LCT: variants seen among roughly 807,000 people sequenced by gnomAD.
The protein encoded by LCT is lactase/phlorizin hydrolase.
LCT carries 90 observed loss-of-function variants against 173.0 expected under a neutral mutation model. The observed-to-expected ratio is 0.52, with a 90% CI of 0.44 to 0.62. LCT has a LOEUF of 0.62. LCT is among the 20% of genes least tolerant of loss of function. The pLI is 0.00. For missense variants in LCT, 1,864 were observed against 2,431.4 expected (o/e 0.77, Z 4.91); for synonymous variants, 853 against 957.6 (o/e 0.89, Z 2.02).
At chr2:135,835,976 G>GTGTAAATATATATATA (rs1553436126) in intron 1 of LCT, among the ~76,000 whole-genome samples, 1 of 80,480 alleles carries the variant, frequency 1.2e-5, no homozygotes, top group Admixed American at 1.6e-4. Flanking sequence ...ATACATGTGT[G>GTGTAAATATATATATA]TATATATATA....
chr2:135,797,411 C>T (rs901705054), intron 13 of LCT, among the ~76,000 whole-genome samples: 1 of 152,136 alleles, frequency 6.6e-6, no homozygotes, highest in Non-Finnish European at 1.5e-5. Flanking sequence ...CACACCACAC[C>T]TCTCACCCCA....
intron 7 of LCT, 51 bp from the exon 8 acceptor site, chr2:135,810,044 T>C: frequency 7.7e-7 from 1 of 1,302,346 alleles, no homozygotes; most frequent in South Asian, 1.3e-5. Context: ...TTTATTTAAT[T>C]GAGATGGGGT....
In LCT at chr2:135,808,640, T is replaced by C; in HGVS notation, c.3707A>G (p.Glu1236Gly). The C allele has an allele frequency of 6.2e-7, 1 of 1,614,212 alleles. No individual in the cohort carries two copies. The highest frequency in any genetic ancestry group is 8.5e-7 in the Non-Finnish European group (1 of 1,180,038). The part of the protein sequence containing the change: ...YEDDQEMAEE[E>G]DPSWPSTAMN... ...TGCCGTGGAAGGCCACGAAGGGTCC[T>C]CCTCCTCAGCCATCTCCTGGTCGTC... is the stretch of plus-strand genomic sequence containing the variant. The change falls in exon 8 of 17, where the codon GAG becomes GGG. Residue 1236 changes from glutamate to glycine, a missense_variant. By Grantham distance (98) the Glu-to-Gly change is moderately conservative. Transcript: ENST00000264162.
In LCT at chr2:135,809,801, G is replaced by A; in HGVS notation, c.2546C>T (p.Thr849Ile). 6.2e-7 allele frequency: 1 copy of A among 1,614,136 alleles called. No individual in the cohort carries two copies. The change falls in exon 8 of 17, where the codon ACC becomes ATC. Residue 849 changes from threonine to isoleucine, a missense_variant. Physicochemically the swap from Thr to Ile is moderately conservative, Grantham distance 89 (BLOSUM62 -1). This residue lies in a region of LCT where 755 missense variants were observed against 926.3 expected (regional missense o/e 0.82). Transcript: ENST00000264162. The surrounding 1 kb of genome is among the most constrained non-coding windows in gnomAD (Gnocchi z 5.5). ...TSIIEKNGFLTKGAKRLLPPN... is the reference protein window; with the variant it reads ...TSIIEKNGFLIKGAKRLLPPN... ...TGGTAGCAGTCTTTTTGCCCCCTTG[G>A]TGAGGAAACCGTTCTTTTCTATGAT...
chr2:135,802,345 C>A (rs528255958), intron 11 of LCT, among the ~76,000 whole-genome samples: 4 of 152,154 alleles, frequency 2.6e-5, no homozygotes, highest in African/African-American at 9.7e-5. Context: ...TAAGGGATCC[C>A]GCAATCTTAC....
At position 135,800,746 on chromosome 2, in the gene LCT, G is replaced by A; in HGVS notation, c.4727C>T (p.Ala1576Val). ...ATCGTTGTACAGATGCCAGGCCTCA[G>A]CATGAGCCTTTATTAGATTGTGGCC... ...IVGHNLIKAH[A>V]EAWHLYNDVY... The change falls in exon 12 of 17, where the codon GCT becomes GTT. Residue 1576 changes from alanine (A) to valine (V), a missense_variant. Around this residue, in one of 4 missense-constraint regions of LCT, gnomAD observed 514 missense variants for 750.1 expected, o/e 0.69. Transcript: ENST00000264162. 6.2e-7 allele frequency: 1 copy of A among 1,614,130 alleles called. No individual in the cohort carries two copies. The highest frequency in any genetic ancestry group is 8.5e-7 in the Non-Finnish European group (1 of 1,180,018).
chr2:135,829,264 A>G (rs1313575279), intron 3 of LCT, among the ~76,000 whole-genome samples: 1 of 152,080 alleles, frequency 6.6e-6, no homozygotes, highest in Non-Finnish European at 1.5e-5. Context: ...TCGTTATGGA[A>G]CCATCACCCC....
chr2:135,798,945 T>C (rs568968189), intron 12 of LCT, among the ~76,000 whole-genome samples: 21 of 152,320 alleles, frequency 1.4e-4, no homozygotes, highest in African/African-American at 5.1e-4. Flanking sequence ...GCATCTGTCA[T>C]AGTCCATGGC....
chr2:135,798,192 G>A, intron 12 of LCT, 54 bp from the exon 13 acceptor site: 2 of 924,500 alleles, frequency 2.2e-6, no homozygotes, highest in East Asian at 2.4e-5. Context: ...CACAGCAAGA[G>A]ACAGCATCGT....
intron 5 of LCT, among the ~76,000 whole-genome samples, chr2:135,820,883 ATT>A (rs753664109): frequency 3.4e-5 from 5 of 145,094 alleles, no homozygotes; most frequent in Admixed American, 1.4e-4. Flanking sequence ...ACCTGCTCTA[ATT>A]TTTTTTTTTT....
chr2:135,794,384 T>G, intron 14 of LCT: 1 of 462,716 alleles, frequency 2.2e-6, no homozygotes, highest in Non-Finnish European at 3.8e-6. Context: ...ATAAATAAAT[T>G]TTAAAAATGA....
rs759351211 is a variant in LCT, at chr2:135,807,296, G to T, written c.4005C>A (p.Tyr1335Ter). 6.2e-7 allele frequency: 1 copy of T among 1,614,160 alleles called. No homozygotes were observed. Among genetic ancestry groups the T allele is most frequent in the Non-Finnish European group, 8.5e-7 (1 of 1,180,020 alleles). Residue 1335 changes from tyrosine (Y) to a stop codon, truncating the protein, a stop_gained, in exon 9 of 17, where the codon TAC (tyrosine) becomes TAA (stop). Coordinates refer to ENST00000264162, the MANE Select transcript of LCT (RefSeq NM_002299.4). LOFTEE classifies it high-confidence loss of function. ...LNGYTVKFGLYHVDFNNTNRP... is the reference protein window; with the variant it reads ...LNGYTVKFGL ...TGTTCGTGTTGTTGAAATCAACATG[G>T]TACAGTCCAAACTTGACCGTGTAGC...
chr2:135,792,664 C>T (rs983850890), intron 14 of LCT, among the ~76,000 whole-genome samples: 6 of 152,164 alleles, frequency 3.9e-5, no homozygotes, highest in African/African-American at 1.2e-4. Flanking sequence ...CAGAGGAAGC[C>T]ATAATACCCC....
chr2:135,811,364 G>A (rs576961879), intron 7 of LCT, among the ~76,000 whole-genome samples: 57 of 152,224 alleles, frequency 3.7e-4, no homozygotes, highest in Middle Eastern at 3.4e-3. Context: ...TTAAGTTAAT[G>A]AGCTCAAGAT....
chr2:135,795,763 G>A (rs114920160), intron 13 of LCT, among the ~76,000 whole-genome samples: 1 of 151,146 alleles, frequency 6.6e-6, no homozygotes, highest in Non-Finnish European at 1.5e-5. Context: ...TTCCCAGACA[G>A]GGTCTCGCCC....
At chr2:135,810,809 GA>G (rs1320261724) in intron 7 of LCT, among the ~76,000 whole-genome samples, 1 of 151,360 alleles carries the variant, frequency 6.6e-6, no homozygotes, top group African/African-American at 2.4e-5. Flanking sequence ...GGCGGATCAT[GA>G]GGTCAGGAGA....
intron 8 of LCT, among the ~76,000 whole-genome samples, chr2:135,808,117 AT>A (rs2077692917): frequency 6.6e-6 from 1 of 152,126 alleles, no homozygotes; most frequent in Admixed American, 6.5e-5. Flanking sequence ...GAAGGCAGAA[AT>A]TTGTGTTTTG....
intron 3 of LCT, among the ~76,000 whole-genome samples, chr2:135,825,876 C>A (rs1575347460): frequency 1.3e-5 from 2 of 152,102 alleles, no homozygotes; most frequent in African/African-American, 4.8e-5. Flanking sequence ...GGTTCCAGGA[C>A]AGGGAGGGAG....
chr2:135,827,417 A>G (rs1455000316), intron 3 of LCT, among the ~76,000 whole-genome samples: 1 of 152,198 alleles, frequency 6.6e-6, no homozygotes, highest in Non-Finnish European at 1.5e-5. Context: ...AGTGCCTCCC[A>G]GGTGTCTGGG....
Sources: gnomAD v4.1 joint callset for allele counts (sites outside exome capture counted in the v4.1 genomes callset) on GRCh38, gnomAD v4.1.1 for gene constraint, gnomAD v4.1.1 regional missense constraint, Gnocchi (gnomAD v3.1) non-coding constraint, MANE v1.5 for transcripts, NCBI Gene and HGNC (gene_info 2026-07-23, HGNC 2026-07-21) for gene names.